GAB2: variants seen among roughly 807,000 people sequenced by gnomAD.
GAB2 encodes the protein GRB2 associated binding protein 2.
In GAB2, 26 loss-of-function variants were observed where a neutral mutation model predicts 65.5. The observed-to-expected ratio is 0.40, with a 90% confidence interval of 0.29 to 0.55. The LOEUF is 0.55. Ranked by LOEUF, GAB2 falls within the 20% of genes least tolerant of loss-of-function variation. The probability of loss-of-function intolerance (pLI) is 0.53; values close to 1 mark genes in which losing one functional copy is unlikely to be tolerated. For missense variants in GAB2, 884 were observed against 875.8 expected (o/e 1.01, Z -0.12); for synonymous variants, 321 against 329.6 (o/e 0.97, Z 0.28).
intron 8 of GAB2, 129 bp from the exon 9 acceptor site, chr11:78,220,573 A>C: frequency 1.5e-6 from 1 of 681,828 alleles, no homozygotes; most frequent in Non-Finnish European, 2.3e-6. Context: ...CATGCTAAGG[A>C]CTTTTCATGT....
intron 1 of GAB2, among the ~76,000 whole-genome samples, chr11:78,336,089 G>A (rs888019269): frequency 1.3e-5 from 2 of 151,860 alleles, no homozygotes; most frequent in Non-Finnish European, 1.5e-5. Context: ...GGAGGGAGGC[G>A]GATCACTGGA....
At chr11:78,238,206 CAAA>C (rs10541492) in intron 3 of GAB2, among the ~76,000 whole-genome samples, 1,094 of 104,816 alleles carry the variant, frequency 0.01, 7 homozygotes, top group Admixed American at 0.024. Flanking sequence ...AGGGAAGAAA[CAAA>C]AAAAAAAAAA....
At chr11:78,389,465 C>A (rs1403287313) in intron 1 of GAB2, among the ~76,000 whole-genome samples, 1 of 152,132 alleles carries the variant, frequency 6.6e-6, no homozygotes, top group African/African-American at 2.4e-5. Context: ...TGCCACCACA[C>A]CCAGCTAATT....
At chr11:78,329,166 TCTTG>T (rs1855873762) in intron 1 of GAB2, among the ~76,000 whole-genome samples, 1 of 152,220 alleles carries the variant, frequency 6.6e-6, no homozygotes, top group South Asian at 2.1e-4. Flanking sequence ...ATTCTTTCAA[TCTTG>T]CTTTATGTTT....
At chr11:78,337,317 C>A (rs1856019198) in intron 1 of GAB2, among the ~76,000 whole-genome samples, 1 of 152,156 alleles carries the variant, frequency 6.6e-6, no homozygotes, top group African/African-American at 2.4e-5. Flanking sequence ...AGGCAATATG[C>A]AAAAGGCACC....
At position 78,232,265 on chromosome 11, in the gene GAB2, AT is replaced by A. The variant is rs1478794750; in HGVS notation, c.621-5215del. The stretch of plus-strand genomic sequence containing the variant: ...ATAGACTACTGCTGCAGGGTCAGTG[AT>A]TCTGGAATCTCACCAATGAAATTTC... On this transcript the variant is annotated intron_variant, in intron 3 of 9. Coordinates refer to ENST00000361507, the MANE Select transcript of GAB2 (RefSeq NM_080491.3). Among the ~76,000 whole-genome samples, 4 of 152,280 alleles carry A rather than the reference AT, an allele frequency of 2.6e-5. No individual in the cohort carries two copies. In the East Asian group the frequency reaches 7.7e-4, roughly 29 times the overall value.
chr11:78,224,254 A>G (rs1227895630), intron 5 of GAB2, among the ~76,000 whole-genome samples: 3 of 152,140 alleles, frequency 2.0e-5, no homozygotes, highest in Non-Finnish European at 4.4e-5. Context: ...CGCCTGACCA[A>G]CACTGTGGGT....
chr11:78,251,013 G>C (rs752467076), intron 2 of GAB2, among the ~76,000 whole-genome samples: 5 of 151,986 alleles, frequency 3.3e-5, no homozygotes, highest in Non-Finnish European at 7.4e-5. Context: ...AATGCTATTT[G>C]GGTGATAGGA....
chr11:78,260,237 C>T (rs116246716), intron 2 of GAB2, among the ~76,000 whole-genome samples: 2,458 of 152,258 alleles, frequency 0.016, 70 homozygotes, highest in African/African-American at 0.056. Flanking sequence ...ACACCATCTC[C>T]GCTAGGGAGA....
At chr11:78,416,061 TA>T (rs1857191976) in intron 1 of GAB2, among the ~76,000 whole-genome samples, 1 of 152,100 alleles carries the variant, frequency 6.6e-6, no homozygotes, top group Non-Finnish European at 1.5e-5. Context: ...ATAAAATTGT[TA>T]ATAGTAAATC....
At position 78,259,042 on chromosome 11, in the gene GAB2, A is replaced by G. The variant is rs1865668809; in HGVS notation, c.377-8642T>C. Reference sequence around the variant, plus strand: ...CTCCTCCTACCCTCTACCCTCTGGTAGGCCCCTGTGCCTGTTGTTCCCTGA... The same window carrying G: ...CTCCTCCTACCCTCTACCCTCTGGTGGGCCCCTGTGCCTGTTGTTCCCTGA... On this transcript the variant is annotated intron_variant, in intron 2 of 9. Transcript: ENST00000361507. 1.3e-5 allele frequency among the ~76,000 whole-genome samples: 2 copies of G among 151,990 alleles called. 1 individual carries two copies. The highest frequency in any genetic ancestry group is 1.3e-4 in the Admixed American group (2 of 15,262).
At chr11:78,231,150 A>G (rs541535910) in intron 3 of GAB2, among the ~76,000 whole-genome samples, 68 of 152,320 alleles carry the variant, frequency 4.5e-4, no homozygotes, top group Middle Eastern at 6.8e-3. Flanking sequence ...TGGAGCAGGA[A>G]GATACTCAAA....
intron 1 of GAB2, among the ~76,000 whole-genome samples, chr11:78,362,067 G>GAT (rs1408830887): frequency 1.4e-5 from 2 of 147,544 alleles, no homozygotes; most frequent in African/African-American, 2.5e-5. Flanking sequence ...AGAGCATCAA[G>GAT]ATATATTATG....
chr11:78,375,320 G>A (rs1856619472), intron 1 of GAB2, among the ~76,000 whole-genome samples: 1 of 152,006 alleles, frequency 6.6e-6, no homozygotes, highest in South Asian at 2.1e-4. Flanking sequence ...TTTGAAATGG[G>A]GTTTTTTTGT....
intron 1 of GAB2, among the ~76,000 whole-genome samples, chr11:78,336,329 A>C (rs1382353554): frequency 7.8e-5 from 4 of 51,424 alleles, no homozygotes; most frequent in African/African-American, 4.7e-4. Context: ...TGTCTCTCAA[A>C]AAAAAAAAAA....
chr11:78,403,337 T>A (rs544687460), intron 1 of GAB2, among the ~76,000 whole-genome samples: 1 of 152,252 alleles, frequency 6.6e-6, no homozygotes, highest in Non-Finnish European at 1.5e-5. Flanking sequence ...ATTATGGCAA[T>A]ACTATGTAAG....
chr11:78,241,090 A>G (rs1865121311), intron 3 of GAB2, among the ~76,000 whole-genome samples: 1 of 152,244 alleles, frequency 6.6e-6, no homozygotes, highest in Non-Finnish European at 1.5e-5. Context: ...GAGAAGAGAA[A>G]GACCCAAAAA....
At chr11:78,380,124 C>T (rs775829941) in intron 1 of GAB2, among the ~76,000 whole-genome samples, 27 of 152,192 alleles carry the variant, frequency 1.8e-4, no homozygotes, top group Middle Eastern at 6.8e-3. Flanking sequence ...AATCCATGTC[C>T]GCATAAGTCT....
At chr11:78,416,411 T>C (rs572064532) in intron 1 of GAB2, among the ~76,000 whole-genome samples, 1 of 152,358 alleles carries the variant, frequency 6.6e-6, no homozygotes, top group South Asian at 2.1e-4. Context: ...AGTCCCTTGA[T>C]TCTGATCTGG....
Sources: gnomAD v4.1 joint callset for allele counts (sites outside exome capture counted in the v4.1 genomes callset) on GRCh38, gnomAD v4.1.1 for gene constraint, MANE v1.5 for transcripts, NCBI Gene and HGNC (gene_info 2026-07-23, HGNC 2026-07-21) for gene names.